PAGE2B: variants seen among roughly 807,000 people sequenced by gnomAD.
PAGE2B encodes putative G antigen family E member 3.
PAGE2B carries 5 observed loss-of-function variants against 7.6 expected under a neutral mutation model. The observed-to-expected ratio is 0.66, with a 90% CI of 0.34 to 1.38. The LOEUF is 1.38. PAGE2B is among the 40% of genes most tolerant of loss of function. The pLI is 0.04. For missense variants in PAGE2B, 70 were observed against 78.4 expected (o/e 0.89, Z 0.41); for synonymous variants, 29 against 26.7 (o/e 1.09, Z -0.27).
At chrX:55,048,617 G>T in the PAGE2B span, among the ~76,000 whole-genome samples, 3 of 111,374 alleles carry the variant, frequency 2.7e-5, no homozygotes, top group Non-Finnish European at 3.8e-5. Context: ...GTCTGTTATT[G>T]GTGTATAAGA....
At chrX:55,036,214 G>A in the PAGE2B span, among the ~76,000 whole-genome samples, 46 of 111,608 alleles carry the variant, frequency 4.1e-4, no homozygotes, top group African/African-American at 1.4e-3. Flanking sequence ...AGACAATGGG[G>A]TTTTCTAGAT....
chrX:55,049,711 G>A, the PAGE2B span, among the ~76,000 whole-genome samples: 2 of 110,219 alleles, frequency 1.8e-5, no homozygotes, highest in South Asian at 7.6e-4. Context: ...TTCTTTATTA[G>A]TCTTGCTAGC....
chrX:55,037,122 G>A, the PAGE2B span, among the ~76,000 whole-genome samples: 182 of 111,447 alleles, frequency 1.6e-3, no homozygotes, highest in Middle Eastern at 9.2e-3. Flanking sequence ...GCAACCTACA[G>A]AATGGGAGAA....
At chrX:55,040,534 C>T in the PAGE2B span, among the ~76,000 whole-genome samples, 11 of 111,640 alleles carry the variant, frequency 9.9e-5, no homozygotes, top group South Asian at 4.1e-3. Context: ...AAGCATTATG[C>T]TATGTGAAAT....
At chrX:55,052,955 A>AG in the PAGE2B span, among the ~76,000 whole-genome samples, 5 of 112,642 alleles carry the variant, frequency 4.4e-5, no homozygotes, top group South Asian at 3.6e-4. Context: ...TTTTCTTCTG[A>AG]GATGTTTTTT....
At chrX:55,054,240 C>T in the PAGE2B span, among the ~76,000 whole-genome samples, 10 of 111,139 alleles carry the variant, frequency 9.0e-5, no homozygotes, top group African/African-American at 3.3e-4. Context: ...GACAAACCAA[C>T]AACAACAACA....
intron 3 of PAGE2B, among the ~76,000 whole-genome samples, chrX:55,076,907 AC>A (rs1936526596): frequency 9.0e-6 from 1 of 111,126 alleles, no homozygotes; most frequent in Non-Finnish European, 1.9e-5. Context: ...GTTGCCATAA[AC>A]CTTTTTCCAG....
At chrX:55,038,024 A>G in the PAGE2B span, among the ~76,000 whole-genome samples, 2 of 109,695 alleles carry the variant, frequency 1.8e-5, no homozygotes, top group Non-Finnish European at 3.8e-5. Context: ...CACATTGTGC[A>G]CATGTACCCT....
the PAGE2B span, among the ~76,000 whole-genome samples, chrX:55,066,342 C>T: frequency 2.7e-5 from 3 of 112,282 alleles, no homozygotes; most frequent in South Asian, 7.4e-4. Flanking sequence ...CCACCCACCT[C>T]GGCCTCCCAA....
chrX:55,051,322 A>G, the PAGE2B span, among the ~76,000 whole-genome samples: 156 of 110,515 alleles, frequency 1.4e-3, no homozygotes, highest in African/African-American at 4.6e-3. Flanking sequence ...TCTTTGTGGC[A>G]TTCTCTGTAT....
the PAGE2B span, among the ~76,000 whole-genome samples, chrX:55,060,707 T>TA: frequency 9.0e-6 from 1 of 111,695 alleles, no homozygotes; most frequent in Admixed American, 9.5e-5. Context: ...CAGATGCTAA[T>TA]AAGCTTTCCT....
upstream of PAGE2B, among the ~76,000 whole-genome samples, chrX:55,073,669 T>C (rs954218035): frequency 8.9e-6 from 1 of 112,327 alleles, no homozygotes; most frequent in Non-Finnish European, 1.9e-5. Flanking sequence ...TTCACGAGCA[T>C]GGAATGTTTT....
chrX:55,050,019 A>C, the PAGE2B span, among the ~76,000 whole-genome samples: 1 of 111,656 alleles, frequency 9.0e-6, no homozygotes, highest in Admixed American at 9.5e-5. Flanking sequence ...CTTTGTTCTC[A>C]TTGGTTTCAA....
At chrX:55,066,235 C>A in the PAGE2B span, among the ~76,000 whole-genome samples, 1 of 111,690 alleles carries the variant, frequency 9.0e-6, no homozygotes, top group East Asian at 2.8e-4. Flanking sequence ...GGATTACAGG[C>A]GTGTGCCATC....
At chrX:55,060,376 A>C in the PAGE2B span, among the ~76,000 whole-genome samples, 1 of 111,063 alleles carries the variant, frequency 9.0e-6, no homozygotes, top group Non-Finnish European at 1.9e-5. Flanking sequence ...ATGATTAGTG[A>C]TATTGAGCAC....
At chrX:55,075,920 G>A (rs1247389167) in intron 1 of PAGE2B, 114 bp from the exon 2 acceptor site, 1 of 764,849 alleles carries the variant, frequency 1.3e-6, no homozygotes, top group Non-Finnish European at 1.9e-6. Context: ...TGTGAATTAC[G>A]TTGAAAATAT....
the PAGE2B span, among the ~76,000 whole-genome samples, chrX:55,069,021 A>G: frequency 9.0e-6 from 1 of 111,713 alleles, no homozygotes. Flanking sequence ...CTACCTGCAT[A>G]CACTTTATTT....
the PAGE2B span, among the ~76,000 whole-genome samples, chrX:55,046,013 C>G: frequency 3.6e-5 from 4 of 111,488 alleles, no homozygotes; most frequent in Non-Finnish European, 7.5e-5. Flanking sequence ...CATAGAGGCA[C>G]GGAGGAGAAA....
chrX:55,032,865 T>G, the PAGE2B span, among the ~76,000 whole-genome samples: 1 of 111,709 alleles, frequency 9.0e-6, no homozygotes, highest in African/African-American at 3.3e-5. Context: ...ATTCCAGTTC[T>G]TCTAGAAGGT....
Sources: gnomAD v4.1 joint callset for allele counts (sites outside exome capture counted in the v4.1 genomes callset) on GRCh38, gnomAD v4.1.1 for gene constraint, MANE v1.5 for transcripts, NCBI Gene and HGNC (gene_info 2026-07-23, HGNC 2026-07-21) for gene names.